ANO10: variants seen among roughly 807,000 people sequenced by gnomAD.
ANO10 encodes the protein anoctamin-10.
Under a neutral mutation model 74.7 loss-of-function variants are expected in ANO10, and 77 were observed. That is an observed-to-expected ratio of 1.03 (90% confidence interval 0.86 to 1.25). The LOEUF is 1.25. Ranked by LOEUF, ANO10 falls within the 50% of genes most tolerant of loss-of-function variation. The probability of loss-of-function intolerance (pLI) is 0.00; values close to 1 mark genes in which losing one functional copy is unlikely to be tolerated. For missense variants in ANO10, 721 were observed against 778.1 expected, an observed-to-expected ratio of 0.93 and a Z score of 0.87; for synonymous variants, 279 against 284.9, an observed-to-expected ratio of 0.98 and a Z score of 0.21.
intron 11 of ANO10, chr3:43,484,928 G>A (rs186018389): frequency 2.5e-5 from 19 of 773,414 alleles, no homozygotes; most frequent in African/African-American, 8.9e-5. Flanking sequence ...TCACCGGGGC[G>A]TTCCTGAGTT....
intron 11 of ANO10, among the ~76,000 whole-genome samples, chr3:43,514,522 T>C (rs2077633872): frequency 6.6e-6 from 1 of 151,974 alleles, no homozygotes; most frequent in Admixed American, 6.6e-5. Context: ...AAAGCCACAA[T>C]TATAACGGAA....
At chr3:43,386,954 G>A (rs1409816346) in intron 12 of ANO10, among the ~76,000 whole-genome samples, 4 of 152,110 alleles carry the variant, frequency 2.6e-5, no homozygotes, top group Admixed American at 1.3e-4. Context: ...GGAACTTGAG[G>A]GTGCCCTGAT....
intron 1 of ANO10, among the ~76,000 whole-genome samples, chr3:43,650,147 G>C (rs1364189604): frequency 6.6e-6 from 1 of 152,162 alleles, no homozygotes; most frequent in African/African-American, 2.4e-5. Context: ...CTTGAAGGAT[G>C]GTGAATGTGG....
intron 1 of ANO10, among the ~76,000 whole-genome samples, chr3:43,670,261 C>G (rs2084041828): frequency 6.6e-6 from 1 of 151,760 alleles, no homozygotes; most frequent in Non-Finnish European, 1.5e-5. Context: ...GCTCAGGAGG[C>G]TGAGGTGGGA....
chr3:43,549,699 T>C, intron 11 of ANO10, 21 bp downstream of exon 11: 2 of 1,613,584 alleles, frequency 1.2e-6, no homozygotes, highest in Non-Finnish European at 1.7e-6. Flanking sequence ...CTGCTTAAAA[T>C]AAGTTTAAAT....
intron 1 of ANO10, among the ~76,000 whole-genome samples, chr3:43,646,834 A>G (rs1333170668): frequency 2.0e-5 from 3 of 152,124 alleles, no homozygotes; most frequent in African/African-American, 7.2e-5. Context: ...ATAGACTCAT[A>G]TGACTGTTTA....
rs150803664 is a variant in ANO10, at chr3:43,647,460, A to C, written c.-11-41597T>G. On this transcript the variant is annotated intron_variant, in intron 1 of 3. Coordinates refer to the ANO10 transcript ENST00000413397. ...GAATTCACCCTCCTCCCACAGTTTTATTCTCTCTAGGCCCTCAACGGCTTG... is the reference window on the plus strand; with the variant it reads ...GAATTCACCCTCCTCCCACAGTTTTCTTCTCTCTAGGCCCTCAACGGCTTG... Among the ~76,000 whole-genome samples the C allele has an allele frequency of 3.5e-3, 539 of 151,892 alleles. 3 individuals carry two copies. Among genetic ancestry groups the C allele is most frequent in the Non-Finnish European group, 5.9e-3 (400 of 67,970 alleles).
At chr3:43,686,488 G>A (rs985942748) in intron 1 of ANO10, among the ~76,000 whole-genome samples, 8 of 151,978 alleles carry the variant, frequency 5.3e-5, no homozygotes, top group African/African-American at 1.5e-4. Flanking sequence ...GTCTTGCCAC[G>A]TTGCCCAAGC....
intron 11 of ANO10, among the ~76,000 whole-genome samples, chr3:43,492,435 C>A (rs921484332): frequency 6.6e-6 from 1 of 152,142 alleles, no homozygotes; most frequent in Non-Finnish European, 1.5e-5. Context: ...CCAAAATTGA[C>A]AAATGGGATC....
chr3:43,422,703 G>A (rs959235815), intron 12 of ANO10, among the ~76,000 whole-genome samples: 1 of 152,004 alleles, frequency 6.6e-6, no homozygotes, highest in African/African-American at 2.4e-5. Flanking sequence ...GTTTTCATAA[G>A]AAAAAATAAA....
chr3:43,419,823 A>T (rs531876163), intron 12 of ANO10, among the ~76,000 whole-genome samples: 40 of 152,162 alleles, frequency 2.6e-4, no homozygotes, highest in African/African-American at 9.6e-4. Flanking sequence ...GCTGTTGCTG[A>T]ATTTTAATAT....
At chr3:43,558,244 C>T (rs2079855859) in intron 9 of ANO10, among the ~76,000 whole-genome samples, 1 of 152,060 alleles carries the variant, frequency 6.6e-6, no homozygotes, top group African/African-American at 2.4e-5. Context: ...GCACTTTTTA[C>T]ATTTCTGGCA....
rs372251517 is a variant in ANO10, at chr3:43,567,053, T to C, written c.1219-1326A>G. 6.6e-5 allele frequency among the ~76,000 whole-genome samples: 10 copies of C among 152,160 alleles called. No homozygotes were observed. In the East Asian group the frequency reaches 9.7e-4, roughly 15 times the overall value. ...TGAAGAATGCAGAAGCCTCAGGAGCTGATGCAATCAACTGGAAGAAAGGGT... is the reference window on the plus strand; with the variant it reads ...TGAAGAATGCAGAAGCCTCAGGAGCCGATGCAATCAACTGGAAGAAAGGGT... On this transcript the variant is annotated intron_variant, in intron 7 of 12. Transcript: ENST00000292246.
intron 12 of ANO10, chr3:43,424,682 C>T (rs2092871882): frequency 6.6e-6 from 1 of 152,170 alleles, no homozygotes; most frequent in Non-Finnish European, 1.5e-5. Context: ...GGCCCCCTAC[C>T]CACCAAACTA....
intron 11 of ANO10, among the ~76,000 whole-genome samples, chr3:43,454,481 G>C (rs2075037120): frequency 6.6e-6 from 1 of 152,110 alleles, no homozygotes; most frequent in Admixed American, 6.6e-5. Flanking sequence ...GGCCATCAGA[G>C]AGAGTGGGCA....
At chr3:43,478,944 C>T (rs1251041371) in intron 11 of ANO10, among the ~76,000 whole-genome samples, 3 of 152,280 alleles carry the variant, frequency 2.0e-5, no homozygotes, top group Admixed American at 6.5e-5. Flanking sequence ...GAAATGCCTC[C>T]ACAAGTTAGG....
chr3:43,636,913 C>T (rs1312121370), intron 1 of ANO10, among the ~76,000 whole-genome samples: 2 of 152,212 alleles, frequency 1.3e-5, no homozygotes, highest in Admixed American at 1.3e-4. Context: ...CCTATAATCC[C>T]AGCACTTTGG....
At chr3:43,368,841 G>A (rs889549837) in intron 12 of ANO10, among the ~76,000 whole-genome samples, 2 of 152,180 alleles carry the variant, frequency 1.3e-5, no homozygotes, top group African/African-American at 4.8e-5. Context: ...GCCACTGTGT[G>A]CGGTAAATTT....
chr3:43,413,220 C>A (rs2092691226), intron 12 of ANO10, among the ~76,000 whole-genome samples: 1 of 152,204 alleles, frequency 6.6e-6, no homozygotes. Flanking sequence ...GAGAGAAGTT[C>A]TCTCTTCCCC....
Sources: gnomAD v4.1 joint callset for allele counts (sites outside exome capture counted in the v4.1 genomes callset) on GRCh38, gnomAD v4.1.1 for gene constraint, MANE v1.5 for transcripts, NCBI Gene and HGNC (gene_info 2026-07-23, HGNC 2026-07-21) for gene names.